The following LHFPL2 variants were observed in gnomAD, a reference collection of about 807,000 sequenced individuals.
LHFPL2 encodes LHFPL tetraspan subfamily member 2 protein.
LHFPL2 carries 7 observed loss-of-function variants against 17.5 expected under a neutral mutation model. The ratio of observed to expected loss-of-function variants is 0.40; its 90% CI spans 0.23 to 0.75. The LOEUF is 0.75. Ranked by LOEUF, LHFPL2 falls within the 30% of genes least tolerant of loss-of-function variation. The probability of loss-of-function intolerance (pLI) is 0.37; values close to 1 mark genes in which losing one functional copy is unlikely to be tolerated. For synonymous variants in LHFPL2, 134 were observed against 116.2 expected (o/e 1.15, Z -0.99); for missense variants, 241 against 294.8 (o/e 0.82, Z 1.34).
chr5:78,535,911 G>A (rs1299805387), intron 3 of LHFPL2, among the ~76,000 whole-genome samples: 1 of 152,214 alleles, frequency 6.6e-6, no homozygotes, highest in Non-Finnish European at 1.5e-5. Context: ...CAGTCTCAGA[G>A]TTCTGAGCAT....
intron 3 of LHFPL2, among the ~76,000 whole-genome samples, chr5:78,530,735 T>C (rs1488853546): frequency 6.6e-6 from 1 of 152,224 alleles, no homozygotes; most frequent in African/African-American, 2.4e-5. Flanking sequence ...ACAACACCTG[T>C]ACCTGCCAGA....
At chr5:78,550,009 G>A (rs555519810) in intron 3 of LHFPL2, among the ~76,000 whole-genome samples, 1 of 152,288 alleles carries the variant, frequency 6.6e-6, no homozygotes, top group South Asian at 2.1e-4. Flanking sequence ...TCTGAGCATT[G>A]ACAGAAGTCT....
intron 3 of LHFPL2, among the ~76,000 whole-genome samples, chr5:78,556,075 C>T (rs1756565372): frequency 6.6e-6 from 1 of 152,148 alleles, no homozygotes; most frequent in African/African-American, 2.4e-5. Flanking sequence ...CAGGGGCACC[C>T]ACTGGGCAGG....
intron 2 of LHFPL2, chr5:78,626,416 T>A (rs1353026031): frequency 1.3e-5 from 2 of 152,292 alleles, no homozygotes; most frequent in Non-Finnish European, 2.9e-5. Flanking sequence ...GCAAGAGGAC[T>A]CTTGCATCCG....
chr5:78,601,152 T>A (rs1032948333), intron 2 of LHFPL2, among the ~76,000 whole-genome samples: 2 of 152,108 alleles, frequency 1.3e-5, no homozygotes, highest in African/African-American at 4.8e-5. Flanking sequence ...CACAATAAAG[T>A]AGAACAATTC....
chr5:78,620,425 C>T (rs1051216889), intron 2 of LHFPL2, among the ~76,000 whole-genome samples: 12 of 152,140 alleles, frequency 7.9e-5, no homozygotes, highest in East Asian at 3.9e-4. Flanking sequence ...AGAAAGGCGA[C>T]GATGATCTAT....
At chr5:78,556,407 A>G (rs1361487860) in intron 3 of LHFPL2, among the ~76,000 whole-genome samples, 1 of 152,230 alleles carries the variant, frequency 6.6e-6, no homozygotes, top group Non-Finnish European at 1.5e-5. Flanking sequence ...AATAATAAAA[A>G]CAGTAACAAA....
chr5:78,570,633 A>C (rs1756973182), intron 2 of LHFPL2, among the ~76,000 whole-genome samples: 1 of 145,740 alleles, frequency 6.9e-6, no homozygotes, highest in African/African-American at 2.6e-5. Context: ...GTATATATAT[A>C]GTATATATAT....
Position 78,620,781 on chromosome 5 carries a change from G to A in LHFPL2, c.-245+11483C>T, listed in dbSNP as rs184373448. 6.1e-3 allele frequency among the ~76,000 whole-genome samples: 925 copies of A among 152,246 alleles called. 11 individuals carry two copies. Among genetic ancestry groups the A allele is most frequent in the African/African-American group, 0.021 (875 of 41,540 alleles). On this transcript the variant is annotated intron_variant, in intron 2 of 4. Coordinates refer to ENST00000380345, the MANE Select transcript of LHFPL2 (RefSeq NM_005779.3). ...AGGCTGAGAAACCCTGTGCTGGGGC[G>A]CCCGCTCTAATGGAGCCGACTGCCA...
At chr5:78,531,348 G>A (rs1755778679) in intron 3 of LHFPL2, among the ~76,000 whole-genome samples, 1 of 150,032 alleles carries the variant, frequency 6.7e-6, no homozygotes, top group Admixed American at 6.7e-5. Flanking sequence ...CCACGAGGCA[G>A]AGGTTGTGGT....
At chr5:78,634,640 C>G (rs989455888) in intron 1 of LHFPL2, among the ~76,000 whole-genome samples, 3 of 152,190 alleles carry the variant, frequency 2.0e-5, no homozygotes, top group African/African-American at 7.2e-5. Context: ...GAATAAATGA[C>G]TGAATACATA....
At chr5:78,563,471 A>G (rs1296729242) in intron 3 of LHFPL2, among the ~76,000 whole-genome samples, 1 of 152,080 alleles carries the variant, frequency 6.6e-6, no homozygotes, top group Non-Finnish European at 1.5e-5. Flanking sequence ...TGAGGTGGGC[A>G]GAGCACTTGA....
At chr5:78,632,925 G>A (rs921866789) in intron 1 of LHFPL2, among the ~76,000 whole-genome samples, 1 of 152,150 alleles carries the variant, frequency 6.6e-6, no homozygotes, top group Non-Finnish European at 1.5e-5. Flanking sequence ...GAGCATGCCA[G>A]GCAAAAGGAA....
intron 2 of LHFPL2, among the ~76,000 whole-genome samples, chr5:78,619,026 T>C (rs1000803412): frequency 6.6e-6 from 1 of 152,084 alleles, no homozygotes; most frequent in Non-Finnish European, 1.5e-5. Context: ...AATAGACCAA[T>C]CACTTTTCTT....
intron 2 of LHFPL2, among the ~76,000 whole-genome samples, chr5:78,627,337 A>G (rs1745082156): frequency 6.6e-6 from 1 of 151,964 alleles, no homozygotes; most frequent in African/African-American, 2.4e-5. Flanking sequence ...AGCCCTTTCT[A>G]TCCTCCCCTC....
chr5:78,579,978 G>T (rs1406689628), intron 2 of LHFPL2, among the ~76,000 whole-genome samples: 1 of 152,170 alleles, frequency 6.6e-6, no homozygotes, highest in Non-Finnish European at 1.5e-5. Flanking sequence ...GTGTAAAAGT[G>T]TTCCTATTTC....
chr5:78,551,811 G>C (rs1756449968), intron 3 of LHFPL2, among the ~76,000 whole-genome samples: 1 of 152,162 alleles, frequency 6.6e-6, no homozygotes, highest in African/African-American at 2.4e-5. Flanking sequence ...GAAATTTTCT[G>C]ATCTACCTTT....
At chr5:78,545,362 C>T (rs1045204500) in intron 3 of LHFPL2, among the ~76,000 whole-genome samples, 1 of 152,132 alleles carries the variant, frequency 6.6e-6, no homozygotes, top group African/African-American at 2.4e-5. Flanking sequence ...CAGCATGGTC[C>T]AAGCCTTCAA....
At chr5:78,561,801 A>T (rs1163164707) in intron 3 of LHFPL2, among the ~76,000 whole-genome samples, 1 of 152,220 alleles carries the variant, frequency 6.6e-6, no homozygotes, top group Non-Finnish European at 1.5e-5. Context: ...ACAGGGTGAC[A>T]GTCATTTGCT....
Sources: allele counts gnomAD v4.1 joint callset (sites outside exome capture counted in the v4.1 genomes callset), GRCh38; gene constraint gnomAD v4.1.1; transcripts MANE v1.5; gene names NCBI Gene and HGNC (gene_info 2026-07-23, HGNC 2026-07-21).